AGBL1: variants seen among roughly 807,000 people sequenced by gnomAD.
AGBL1 encodes cytosolic carboxypeptidase 4.
Under a neutral mutation model 118.9 loss-of-function variants are expected in AGBL1, and 130 were observed. The observed-to-expected ratio is 1.09, with a 90% CI of 0.95 to 1.26. The LOEUF (loss-of-function observed/expected upper bound fraction) is 1.26. Among genes scored for constraint, AGBL1 ranks in the 50% most tolerant of loss-of-function variants. The pLI, the probability that AGBL1 is intolerant of heterozygous loss-of-function variation, is 0.00. For missense variants in AGBL1, 1,584 were observed against 1,298.1 expected (o/e 1.22, Z -3.38); for synonymous variants, 555 against 478.9 (o/e 1.16, Z -2.08).
intron 18 of AGBL1, among the ~76,000 whole-genome samples, chr15:86,457,849 T>C (rs2082279880): frequency 6.6e-6 from 1 of 152,192 alleles, no homozygotes. Context: ...CCGTTGCTTC[T>C]CATAATTCCT....
At chr15:86,652,361 T>C (rs1368571051) in intron 21 of AGBL1, among the ~76,000 whole-genome samples, 6 of 152,138 alleles carry the variant, frequency 3.9e-5, no homozygotes, top group African/African-American at 1.4e-4. Context: ...CCTCCTAATG[T>C]TGTTATTGTT....
chr15:86,532,736 G>C (rs1320697231), intron 19 of AGBL1, among the ~76,000 whole-genome samples: 3 of 151,194 alleles, frequency 2.0e-5, no homozygotes, highest in East Asian at 2.0e-4. Context: ...GTAACCAAAA[G>C]AGCATGGTAC....
At position 86,225,094 on chromosome 15, in the gene AGBL1, G is replaced by A. The variant is rs1001870511; in HGVS notation, c.526+143G>A. The A allele has an allele frequency of 3.5e-6, 3 of 846,714 alleles. No individual in the cohort carries two copies. In the African/African-American group the frequency reaches 5.2e-5, roughly 15 times the overall value. 52.5% of individuals were successfully genotyped at this position (846,714 alleles called of 1,614,324 possible). On this transcript the variant is annotated intron_variant, in intron 6 of 22. Coordinates refer to ENST00000614907, the MANE Select transcript of AGBL1 (RefSeq NM_001386094.1). ...TCACCTATGGCTAATTCCTGACCTT[G>A]AAAGTGATAAAGTCATGTCGTGGGT...
intron 18 of AGBL1, among the ~76,000 whole-genome samples, chr15:86,502,388 T>C (rs1452226595): frequency 6.6e-6 from 1 of 151,474 alleles, no homozygotes; most frequent in African/African-American, 2.4e-5. Flanking sequence ...ATAAAGATAG[T>C]ATTACTTTTT....
At chr15:86,930,366 G>A (rs2080590787) in intron 23 of AGBL1, among the ~76,000 whole-genome samples, 1 of 152,144 alleles carries the variant, frequency 6.6e-6, no homozygotes, top group African/African-American at 2.4e-5. Flanking sequence ...ATAAATATAA[G>A]GGGTCAGCGT....
intron 23 of AGBL1, among the ~76,000 whole-genome samples, chr15:86,986,040 C>G (rs895944691): frequency 1.3e-5 from 2 of 151,958 alleles, no homozygotes; most frequent in African/African-American, 4.8e-5. Flanking sequence ...TCTCCTGTCT[C>G]AGACTCCCAA....
chr15:86,851,580 A>G (rs1168866076), intron 22 of AGBL1, among the ~76,000 whole-genome samples: 1 of 152,226 alleles, frequency 6.6e-6, no homozygotes, highest in Non-Finnish European at 1.5e-5. Flanking sequence ...AGTTTTTCCA[A>G]TAAAATCTGC....
intron 23 of AGBL1, among the ~76,000 whole-genome samples, chr15:86,935,531 C>T (rs981692245): frequency 1.3e-5 from 2 of 152,166 alleles, no homozygotes; most frequent in African/African-American, 4.8e-5. Context: ...ACACAGCCTT[C>T]TTCTTTTATG....
chr15:86,200,536 A>C (rs2077886609), intron 5 of AGBL1, among the ~76,000 whole-genome samples: 1 of 136,290 alleles, frequency 7.3e-6, no homozygotes, highest in African/African-American at 2.8e-5. Context: ...CCTACTCTAG[A>C]GTAATAGACC....
intron 22 of AGBL1, among the ~76,000 whole-genome samples, chr15:86,680,560 CTTTTCTTTTTTTT>C (rs2085934355): frequency 9.8e-6 from 1 of 102,518 alleles, no homozygotes; most frequent in African/African-American, 3.7e-5. Flanking sequence ...TTCTTTCTTT[CTTTTCTTTTTTTT>C]TTTTTTTTTT....
intron 21 of AGBL1, among the ~76,000 whole-genome samples, chr15:86,634,297 C>G (rs1482205094): frequency 3.3e-5 from 5 of 151,994 alleles, no homozygotes; most frequent in Admixed American, 6.6e-5. Context: ...TAACAGCCAA[C>G]AAGTAGAAAC....
At chr15:86,850,715 T>G (rs2079396518) in intron 22 of AGBL1, among the ~76,000 whole-genome samples, 1 of 152,218 alleles carries the variant, frequency 6.6e-6, no homozygotes. Flanking sequence ...TATGATATAT[T>G]GTTGTATGGC....
Position 86,199,433 on chromosome 15 carries a change from G to T in AGBL1, c.489-25481G>T, listed in dbSNP as rs539014653. ...CTTCCTGAGGCTCTCAAGACATTTG[G>T]CCATTTGGCCATGGCAAAATGTAAT... On this transcript the variant is annotated intron_variant, in intron 5 of 22. Coordinates refer to ENST00000614907, the MANE Select transcript of AGBL1 (RefSeq NM_001386094.1). Among the ~76,000 whole-genome samples the T allele has an allele frequency of 2.2e-4, 34 of 152,200 alleles. No homozygotes were observed. The South Asian group carries it at 6.6e-3, about 30-fold the overall frequency.
At chr15:86,502,730 T>C (rs1317400221) in intron 18 of AGBL1, among the ~76,000 whole-genome samples, 1 of 151,494 alleles carries the variant, frequency 6.6e-6, no homozygotes, top group Non-Finnish European at 1.5e-5. Context: ...TGGATTTACA[T>C]ACATTGAACA....
intron 20 of AGBL1, among the ~76,000 whole-genome samples, chr15:86,546,797 G>C (rs1234588120): frequency 2.6e-5 from 4 of 152,110 alleles, no homozygotes; most frequent in African/African-American, 9.7e-5. Flanking sequence ...TCAGGATAAA[G>C]GCAACAAGCT....
At chr15:86,290,641 T>G (rs1255235486) in intron 16 of AGBL1, among the ~76,000 whole-genome samples, 2 of 151,868 alleles carry the variant, frequency 1.3e-5, no homozygotes, top group Non-Finnish European at 2.9e-5. Context: ...TGTGAACCAC[T>G]GCACCTGGGC....
intron 23 of AGBL1, among the ~76,000 whole-genome samples, chr15:86,928,015 C>T (rs2080563441): frequency 6.6e-6 from 1 of 151,908 alleles, no homozygotes; most frequent in Non-Finnish European, 1.5e-5. Flanking sequence ...TTAAAATGTA[C>T]TTTATGTAAG....
chr15:86,317,587 C>T (rs1443322624), intron 17 of AGBL1, among the ~76,000 whole-genome samples: 1 of 152,136 alleles, frequency 6.6e-6, no homozygotes, highest in African/African-American at 2.4e-5. Context: ...AAAGAATTTG[C>T]CAGGGCTGTG....
chr15:86,205,836 AT>A (rs1177399346), intron 5 of AGBL1, among the ~76,000 whole-genome samples: 1 of 152,058 alleles, frequency 6.6e-6, no homozygotes, highest in Non-Finnish European at 1.5e-5. Context: ...ATTTAATTTT[AT>A]TTTGATTATA....
Sources: gnomAD v4.1 joint callset for allele counts (sites outside exome capture counted in the v4.1 genomes callset) on GRCh38, gnomAD v4.1.1 for gene constraint, MANE v1.5 for transcripts, NCBI Gene and HGNC (gene_info 2026-07-23, HGNC 2026-07-21) for gene names.